RYR1: variants seen among roughly 807,000 people sequenced by gnomAD.
RYR1 encodes the protein ryanodine receptor 1.
In RYR1, 342 loss-of-function variants were observed where a neutral mutation model predicts 583.5. The ratio of observed to expected loss-of-function variants is 0.59; its 90% CI spans 0.54 to 0.64. RYR1 has a LOEUF of 0.64. Among genes scored for constraint, RYR1 ranks in the 30% least tolerant of loss-of-function variants. The pLI, the probability that RYR1 is intolerant of heterozygous loss-of-function variation, is 0.00. For missense variants in RYR1, 6,032 were observed against 6,917.2 expected, an observed-to-expected ratio of 0.87 and a Z score of 4.54; for synonymous variants, 2,791 against 2,822.5, an observed-to-expected ratio of 0.99 and a Z score of 0.35.
intron 99 of RYR1, 107 bp from the exon 100 acceptor site, chr19:38,579,875 G>A: frequency 6.9e-7 from 1 of 1,457,202 alleles, no homozygotes; most frequent in Non-Finnish European, 9.6e-7. Flanking sequence ...AACAGAGCTG[G>A]CACCCGACCC....
In RYR1 at chr19:38,468,999, G is replaced by A. The variant is rs1653134947; in HGVS notation, c.3415G>A (p.Gly1139Arg). ...QRWHLGSEPF[G>R]RPWQPGDVVG... ...CTGGCACTTGGGCAGTGAACCATTT[G>A]GGCGCCCCTGGCAGCCGGGCGATGT... is the stretch of plus-strand genomic sequence containing the variant. Residue 1139 changes from glycine to arginine, a missense_variant, in exon 26 of 106, where the codon GGG (glycine) becomes AGG (arginine). Gly to Arg is a moderately radical substitution (Grantham distance 125). Transcript: ENST00000359596. The A allele has an allele frequency of 6.2e-7, 1 of 1,614,108 alleles. No homozygotes were observed. The highest frequency in any genetic ancestry group is 8.5e-7 in the Non-Finnish European group (1 of 1,180,042).
chr19:38,526,023 C>T (rs1971452571), intron 71 of RYR1, among the ~76,000 whole-genome samples: 1 of 151,960 alleles, frequency 6.6e-6, no homozygotes, highest in South Asian at 2.1e-4. Context: ...GACACCTGGG[C>T]CCTGTTGAAG....
At chr19:38,466,897 C>T (rs1031566929) in intron 24 of RYR1, among the ~76,000 whole-genome samples, 39 of 152,132 alleles carry the variant, frequency 2.6e-4, no homozygotes, top group East Asian at 1.9e-4. Context: ...AGTTCCAACT[C>T]GGAACCTGAT....
rs200509864 is a variant in RYR1, at chr19:38,444,536, G to A, written c.538-48G>A. 4.0e-5 allele frequency: 61 copies of A among 1,542,960 alleles called. No homozygotes were observed. The highest frequency in any genetic ancestry group is 1.7e-4 in the South Asian group (15 of 87,992). ...TCTGGCCTCTGACGCTGGGACTCTC[G>A]CCCACCCCTGCAATCGTCTCTGACT... On this transcript the variant is annotated intron_variant, in intron 6 of 105. Transcript: ENST00000359596. This position sits in a 1 kb window ranked among gnomAD's most constrained non-coding sequence, Gnocchi z 5.1.
Position 38,500,810 on chromosome 19 carries a change from C to T in RYR1, c.7445-11C>T, listed in dbSNP as rs1338799988. On this transcript the variant is annotated splice_polypyrimidine_tract_variant and intron_variant, in intron 46 of 105. Transcript: ENST00000359596. The surrounding 1 kb of genome is among the most constrained non-coding windows in gnomAD (Gnocchi z 5.9). ...GCAGGGCATCCCCGAACCCACCCTC[C>T]CTGCCTGCAGATGGGGCTCTGGTGC... 6.2e-7 allele frequency: 1 copy of T among 1,614,066 alleles called. No homozygotes were observed. Among genetic ancestry groups the T allele is most frequent in the Non-Finnish European group, 8.5e-7 (1 of 1,179,986 alleles).
rs2145405913 is a variant in RYR1 at position 38,457,435 on chromosome 19, GTTC to G, written c.1792-57_1792-55del. 4 of 1,613,334 alleles carry G rather than the reference GTTC, an allele frequency of 2.5e-6. No individual in the cohort carries two copies. The East Asian group carries it at 8.9e-5, about 36-fold the overall frequency. On this transcript the variant is annotated intron_variant, in intron 16 of 105. Coordinates refer to ENST00000359596, the MANE Select transcript of RYR1 (RefSeq NM_000540.3). The stretch of plus-strand genomic sequence containing the variant: ...CCTCCTGGCTTCCCTCCCTCCCAGG[GTTC>G]TTCTGTAGATCCTGCCCTGGTGCCT...
At position 38,546,349 on chromosome 19, in the gene RYR1, G is replaced by GT. The variant is rs1972423523; in HGVS notation, c.12013-96_12013-95insT. 3.9e-6 allele frequency: 4 copies of GT among 1,028,630 alleles called. No homozygotes were observed. The South Asian group carries it at 5.2e-5, about 13-fold the overall frequency. The allele number at this position is 1,028,630 out of a possible 1,614,324, so 63.7% of individuals were successfully genotyped here. On this transcript the variant is annotated intron_variant, in intron 87 of 105. Transcript: ENST00000359596. ...CTCGGAGGTAAGAGGGGAGAAAACGGGTTTAGGCCCTGCTGGGTAGGTGAG... is the reference window on the plus strand; with the variant it reads ...CTCGGAGGTAAGAGGGGAGAAAACGGTGTTTAGGCCCTGCTGGGTAGGTGAG...
intron 83 of RYR1, 114 bp from the exon 84 acceptor site, chr19:38,537,766 A>C (rs974195767): frequency 1.3e-5 from 13 of 999,090 alleles, no homozygotes; most frequent in Admixed American, 5.2e-5. Flanking sequence ...TGCTCCTCCC[A>C]GCACCCCCAT....
intron 90 of RYR1, 52 bp from the exon 91 acceptor site, chr19:38,564,907 G>T: frequency 1.3e-6 from 2 of 1,542,562 alleles, no homozygotes; most frequent in Non-Finnish European, 1.7e-6. Context: ...TGTCGCTGCT[G>T]TCCGAGCCCC....
intron 31 of RYR1, among the ~76,000 whole-genome samples, chr19:38,479,048 G>A (rs1600748678): frequency 2.0e-5 from 3 of 151,966 alleles, no homozygotes; most frequent in African/African-American, 4.8e-5. Flanking sequence ...GATTACAGGC[G>A]TGAGCCACCA....
At chr19:38,526,366 C>T (rs1439195615) in intron 71 of RYR1, among the ~76,000 whole-genome samples, 2 of 151,614 alleles carry the variant, frequency 1.3e-5, no homozygotes, top group Non-Finnish European at 2.9e-5. Context: ...AACACCCTGA[C>T]AACCTACTAA....
Position 38,527,660 on chromosome 19 carries a change from C to T in RYR1, c.10700C>T (p.Pro3567Leu), listed in dbSNP as rs1223196426. 5 of 1,614,124 alleles carry T rather than the reference C, an allele frequency of 3.1e-6. No individual in the cohort carries two copies. The highest frequency in any genetic ancestry group is 1.1e-5 in the South Asian group (1 of 91,056). ...TCCTCCCTTCAGGTCGAAGGCTCCC[C>T]GTCTCTGCGCTGGCAGATGGCTCTG... Reference protein sequence around the residue: ...LHLQGKVEGSPSLRWQMALYR... With the variant: ...LHLQGKVEGSLSLRWQMALYR... Residue 3567 changes from proline to leucine, a missense_variant, in exon 73 of 106, where the codon CCG (proline) becomes CTG (leucine). Pro to Leu is a moderately conservative substitution (Grantham distance 98). Coordinates refer to ENST00000359596, the MANE Select transcript of RYR1 (RefSeq NM_000540.3).
intron 42 of RYR1, among the ~76,000 whole-genome samples, chr19:38,498,009 T>C (rs748851312): frequency 1.3e-5 from 2 of 150,116 alleles, no homozygotes; most frequent in Non-Finnish European, 3.0e-5. Flanking sequence ...ATTGAGAAAG[T>C]GACATTTGTG....
intron 33 of RYR1, among the ~76,000 whole-genome samples, chr19:38,484,847 C>T (rs1264898917): frequency 6.6e-6 from 1 of 151,816 alleles, no homozygotes. Context: ...GTGGCACACA[C>T]ATGTAGTCTC....
intron 95 of RYR1, among the ~76,000 whole-genome samples, chr19:38,572,738 T>C (rs1973776531): frequency 6.6e-6 from 1 of 151,916 alleles, no homozygotes; most frequent in Non-Finnish European, 1.5e-5. Context: ...TGTTCTCACA[T>C]CCTGGCCCGA....
intron 1 of RYR1, 75 bp downstream of exon 1, chr19:38,433,949 C>G: frequency 7.6e-7 from 1 of 1,318,346 alleles, no homozygotes; most frequent in Non-Finnish European, 1.1e-6. Flanking sequence ...CTCTGAATGT[C>G]CCTGTCCGGC....
At position 38,516,355 on chromosome 19, in the gene RYR1, A is replaced by G. The variant is rs1970971958; in HGVS notation, c.9685+138A>G. ...GGATTCCCCAGGTTGGGAGTGCCAC[A>G]CATTCAGGAACCCCAGAGTTTATGG... is the stretch of plus-strand genomic sequence containing the variant. On this transcript the variant is annotated intron_variant, in intron 65 of 105. Transcript: ENST00000359596. 5 of 947,570 alleles carry G rather than the reference A, an allele frequency of 5.3e-6. No individual in the cohort carries two copies. In the South Asian group the frequency reaches 8.5e-5, roughly 16 times the overall value. 58.7% of individuals were successfully genotyped at this position (947,570 alleles called of 1,614,324 possible). A position where few individuals can be genotyped will look rare whatever the true frequency, so the allele number is the denominator to read the frequency against.
Position 38,585,068 on chromosome 19 carries a change from C to T in RYR1, c.14772C>T (p.Phe4924=), listed in dbSNP as rs777921199. ...RVVFDITFFF[F]VIVILLAIIQ... is the part of the protein sequence containing the mutation. ...TCTTCGACATCACCTTCTTCTTCTT[C>T]GTCATCGTCATCCTGTTGGCCATCA... The change falls in exon 102 of 106, where the codon TTC becomes TTT. Residue 4924 remains phenylalanine (F), a synonymous_variant. Transcript: ENST00000359596. 23 of 1,613,842 alleles carry T rather than the reference C, an allele frequency of 1.4e-5. No individual in the cohort carries two copies. The highest frequency in any genetic ancestry group is 6.6e-5 in the South Asian group (6 of 91,084).
Position 38,499,561 on chromosome 19 carries a change from T to C in RYR1, c.7028-74T>C. On this transcript the variant is annotated intron_variant, in intron 43 of 105. Coordinates refer to ENST00000359596, the MANE Select transcript of RYR1 (RefSeq NM_000540.3). The surrounding 1 kb of genome is among the most constrained non-coding windows in gnomAD (Gnocchi z 7.3). ...GGGACCTGTGTTACCCCTGGAGGTGTTGGGTCCTGGGGCTGCATGGGGAGG... is the reference window on the plus strand; with the variant it reads ...GGGACCTGTGTTACCCCTGGAGGTGCTGGGTCCTGGGGCTGCATGGGGAGG... 4 of 1,526,006 alleles carry C rather than the reference T, an allele frequency of 2.6e-6. No individual in the cohort carries two copies. Among genetic ancestry groups the C allele is most frequent in the South Asian group, 1.1e-5 (1 of 87,364 alleles). 94.5% of individuals were successfully genotyped at this position (1,526,006 alleles called of 1,614,324 possible).
Sources: gnomAD v4.1 joint callset for allele counts (sites outside exome capture counted in the v4.1 genomes callset) on GRCh38, gnomAD v4.1.1 for gene constraint, Gnocchi (gnomAD v3.1) non-coding constraint, MANE v1.5 for transcripts, NCBI Gene and HGNC (gene_info 2026-07-23, HGNC 2026-07-21) for gene names.